The following RTL4 variants were observed in gnomAD, a reference collection of about 807,000 sequenced individuals.
RTL4 encodes the protein retrotransposon Gag-like protein 4.
RTL4 carries 4 observed loss-of-function variants against 5.3 expected under a neutral mutation model. The ratio of observed to expected loss-of-function variants is 0.75; its 90% confidence interval spans 0.37 to 1.72. The LOEUF (loss-of-function observed/expected upper bound fraction) is 1.72. Among genes scored for constraint, RTL4 ranks in the 40% most tolerant of loss-of-function variants. The pLI is 0.04. For synonymous variants in RTL4, 98 were observed against 87.3 expected (o/e 1.12, Z -0.68); for missense variants, 260 against 227.1 (o/e 1.14, Z -0.93).
At chrX:112,215,986 A>T in the RTL4 span, among the ~76,000 whole-genome samples, 1 of 112,109 alleles carries the variant, frequency 8.9e-6, no homozygotes, top group East Asian at 2.8e-4. Context: ...TTGCCAACAT[A>T]TAAAAATCAG....
the RTL4 span, among the ~76,000 whole-genome samples, chrX:112,334,219 T>A: frequency 1.8e-5 from 2 of 112,020 alleles, no homozygotes; most frequent in Non-Finnish European, 3.8e-5. Flanking sequence ...GACACTTAAG[T>A]TGCTTCAAAT....
chrX:112,093,602 T>C, the RTL4 span, among the ~76,000 whole-genome samples: 1 of 112,226 alleles, frequency 8.9e-6, no homozygotes, highest in Admixed American at 9.5e-5. Flanking sequence ...TGGTACCTGC[T>C]ATCATAGACC....
the RTL4 span, among the ~76,000 whole-genome samples, chrX:112,161,841 C>CT: frequency 0.078 from 3,544 of 45,393 alleles, 126 homozygotes; most frequent in East Asian, 0.19. Context: ...TCCTTCCTTC[C>CT]TTCCTTTCTT....
At chrX:112,106,757 T>C in the RTL4 span, among the ~76,000 whole-genome samples, 1 of 112,145 alleles carries the variant, frequency 8.9e-6, no homozygotes, top group Admixed American at 9.4e-5. Context: ...ATTTCCATGA[T>C]GATTAGTGAT....
the RTL4 span, among the ~76,000 whole-genome samples, chrX:112,354,833 AC>A: frequency 9.0e-6 from 1 of 111,158 alleles, no homozygotes; most frequent in African/African-American, 3.3e-5. Flanking sequence ...TTTGAGGTTC[AC>A]CCTTTGGAGA....
At chrX:112,307,218 A>C in the RTL4 span, among the ~76,000 whole-genome samples, 8 of 112,161 alleles carry the variant, frequency 7.1e-5, no homozygotes, top group Non-Finnish European at 1.5e-4. Flanking sequence ...CTAAGCAGTT[A>C]CATGCAATAT....
chrX:112,274,857 G>C, the RTL4 span, among the ~76,000 whole-genome samples: 1 of 111,760 alleles, frequency 8.9e-6, no homozygotes, highest in Non-Finnish European at 1.9e-5. Flanking sequence ...AATAAGAATA[G>C]TCTTAGTGGG....
the RTL4 span, among the ~76,000 whole-genome samples, chrX:112,198,138 CG>C: frequency 9.0e-6 from 1 of 111,281 alleles, no homozygotes; most frequent in Admixed American, 9.6e-5. Flanking sequence ...TTACTGTCCA[CG>C]GGGGGAAGCA....
the RTL4 span, among the ~76,000 whole-genome samples, chrX:112,408,316 A>T: frequency 9.1e-6 from 1 of 110,338 alleles, no homozygotes; most frequent in African/African-American, 3.3e-5. Flanking sequence ...GAAATAATTA[A>T]AAAAGAGTCA....
At chrX:112,321,996 C>T in the RTL4 span, among the ~76,000 whole-genome samples, 5 of 111,943 alleles carry the variant, frequency 4.5e-5, no homozygotes, top group South Asian at 3.7e-4. Flanking sequence ...AATTTATCAG[C>T]GACTATTCAA....
the RTL4 span, among the ~76,000 whole-genome samples, chrX:112,299,062 G>T: frequency 9.8e-5 from 11 of 112,055 alleles, 1 homozygote; most frequent in Middle Eastern, 4.6e-3. Flanking sequence ...TTAAACACTG[G>T]TATTTCAGTT....
the RTL4 span, among the ~76,000 whole-genome samples, chrX:112,391,735 T>C: frequency 7.3e-3 from 800 of 110,299 alleles, 3 homozygotes; most frequent in African/African-American, 0.025. Flanking sequence ...AAAGTATAGG[T>C]TCCTCTCCTC....
chrX:112,186,310 A>T, the RTL4 span, among the ~76,000 whole-genome samples: 1 of 112,305 alleles, frequency 8.9e-6, no homozygotes, highest in Non-Finnish European at 1.9e-5. Context: ...AACCAGTTAG[A>T]CACAAAGTCA....
the RTL4 span, among the ~76,000 whole-genome samples, chrX:112,318,934 A>T: frequency 8.9e-6 from 1 of 111,752 alleles, no homozygotes; most frequent in Non-Finnish European, 1.9e-5. Flanking sequence ...AGATGAGGGG[A>T]GAGGGAGAGG....
At chrX:112,128,283 T>C in the RTL4 span, among the ~76,000 whole-genome samples, 1 of 111,730 alleles carries the variant, frequency 9.0e-6, no homozygotes, top group African/African-American at 3.3e-5. Flanking sequence ...AGCCGATTGA[T>C]TTGACAAGGG....
chrX:112,395,919 G>A, the RTL4 span, among the ~76,000 whole-genome samples: 5 of 110,554 alleles, frequency 4.5e-5, no homozygotes, highest in African/African-American at 1.6e-4. Flanking sequence ...GATTGGTGAG[G>A]GATATTCTTA....
the RTL4 span, among the ~76,000 whole-genome samples, chrX:112,105,370 GT>G: frequency 9.0e-6 from 1 of 111,010 alleles, no homozygotes; most frequent in South Asian, 3.7e-4. Flanking sequence ...CATTATTCTG[GT>G]TTTTTTGTGG....
chrX:112,225,147 G>A, the RTL4 span, among the ~76,000 whole-genome samples: 1 of 111,901 alleles, frequency 8.9e-6, no homozygotes, highest in Non-Finnish European at 1.9e-5. Context: ...CAGGCAGTTT[G>A]ATACCAGAGC....
chrX:112,102,738 G>GA, the RTL4 span, among the ~76,000 whole-genome samples: 2 of 111,007 alleles, frequency 1.8e-5, no homozygotes. Context: ...ACATTTACAA[G>GA]AAAAAAACAA....
Sources: gnomAD v4.1 joint callset for allele counts (sites outside exome capture counted in the v4.1 genomes callset) on GRCh38, gnomAD v4.1.1 for gene constraint, MANE v1.5 for transcripts, NCBI Gene and HGNC (gene_info 2026-07-23, HGNC 2026-07-21) for gene names.